Variants in FABP6 observed in about 807,000 individuals in gnomAD.
The protein encoded by FABP6 is fatty acid binding protein 6.
Under a neutral mutation model 14.9 loss-of-function variants are expected in FABP6, and 13 were observed. The ratio of observed to expected loss-of-function variants is 0.87; its 90% CI spans 0.57 to 1.39. FABP6 has a LOEUF of 1.39. Among genes scored for constraint, FABP6 ranks in the 40% most tolerant of loss-of-function variants. FABP6 has a pLI of 0.00. For synonymous variants in FABP6, 75 were observed against 63.6 expected (o/e 1.18, Z -0.85); for missense variants, 161 against 167.2 (o/e 0.96, Z 0.20).
exon 3 of FABP6, chr5:160,213,771 G>A (rs370605886): frequency 2.4e-5 from 38 of 1,613,792 alleles, no homozygotes; most frequent in Non-Finnish European, 3.1e-5. Context: ...GCACATGGGT[G>A]AGCCGGAAAG....
upstream of FABP6, among the ~76,000 whole-genome samples, chr5:160,226,671 T>C (rs759936711): frequency 4.6e-5 from 7 of 152,172 alleles, no homozygotes; most frequent in Non-Finnish European, 1.0e-4. Flanking sequence ...ACATACTTCA[T>C]AGAGCTGTTC....
At chr5:160,213,751 T>C (rs775705597) in exon 3 of FABP6, 3 of 1,613,898 alleles carry the variant, frequency 1.9e-6, no homozygotes, top group South Asian at 1.1e-5. Context: ...GAGAGCTGTG[T>C]TGTCTGCGTG....
At chr5:160,196,250 T>A (rs978977654) in intron 1 of FABP6, among the ~76,000 whole-genome samples, 1 of 152,226 alleles carries the variant, frequency 6.6e-6, no homozygotes, top group African/African-American at 2.4e-5. Flanking sequence ...ACATCCCCTA[T>A]CCAACCCCTT....
At chr5:160,231,281 G>C (rs190503320) in intron 1 of FABP6, among the ~76,000 whole-genome samples, 207 of 152,300 alleles carry the variant, frequency 1.4e-3, no homozygotes, top group African/African-American at 4.8e-3. Flanking sequence ...AGCCCACTTT[G>C]GTTCTAGACC....
At chr5:160,213,933 C>A in intron 3 of FABP6, 1 of 850,664 alleles carries the variant, frequency 1.2e-6, no homozygotes, top group African/African-American at 1.7e-5. Flanking sequence ...GATCCTTCTG[C>A]ATTGTTAGAA....
chr5:160,225,248 C>G (rs1760219585), upstream of FABP6, among the ~76,000 whole-genome samples: 1 of 143,704 alleles, frequency 7.0e-6, no homozygotes, highest in African/African-American at 2.6e-5. Flanking sequence ...AGGTGCCCAC[C>G]ACCACACCTG....
intron 3 of FABP6, among the ~76,000 whole-genome samples, chr5:160,220,317 T>A (rs1370772366): frequency 2.6e-5 from 4 of 152,152 alleles, no homozygotes; most frequent in Non-Finnish European, 5.9e-5. Flanking sequence ...TTTCCCCATA[T>A]AATAATGAAT....
At chr5:160,234,587 G>A (rs551625406) in intron 2 of FABP6, among the ~76,000 whole-genome samples, 17 of 151,830 alleles carry the variant, frequency 1.1e-4, no homozygotes, top group South Asian at 6.3e-4. Flanking sequence ...CCACCACACC[G>A]GGCTACTTTT....
At chr5:160,209,209 A>C (rs1272985564) in intron 2 of FABP6, among the ~76,000 whole-genome samples, 1 of 152,094 alleles carries the variant, frequency 6.6e-6, no homozygotes. Context: ...GCAACAGAGC[A>C]AGACCCTTTC....
At position 160,214,293 on chromosome 5, in the gene FABP6, A is replaced by G. The variant is rs139034958; in HGVS notation, c.135+474A>G. On this transcript the variant is annotated intron_variant, in intron 3 of 6. Transcript: ENST00000393980. ...ATCCTCCAGCCTCAGCCTCCCTATT[A>G]GCTGGGATTACAGGCACGTGCCACC... Among the ~76,000 whole-genome samples the G allele has an allele frequency of 3.2e-3, 488 of 151,792 alleles. 4 individuals carry two copies. The highest frequency in any genetic ancestry group is 0.011 in the African/African-American group (470 of 41,400).
At chr5:160,230,827 C>T (rs1299906250) in intron 1 of FABP6, among the ~76,000 whole-genome samples, 1 of 152,204 alleles carries the variant, frequency 6.6e-6, no homozygotes, top group Non-Finnish European at 1.5e-5. Context: ...AAAGGGTTAG[C>T]ATGGAGACCA....
At chr5:160,213,641 A>G (rs1432968670) in intron 2 of FABP6, 5 of 1,007,254 alleles carry the variant, frequency 5.0e-6, no homozygotes, top group East Asian at 2.4e-5. Context: ...GAGCGCTGCT[A>G]TGAGGAGCTC....
chr5:160,197,782 A>AGAGAGT (rs1759539735), intron 1 of FABP6: 1 of 151,888 alleles, frequency 6.6e-6, no homozygotes, highest in Admixed American at 6.6e-5. Context: ...GCAGGAAGCG[A>AGAGAGT]GAGGCAGTGG....
intron 3 of FABP6, among the ~76,000 whole-genome samples, chr5:160,221,631 T>G (rs1033021343): frequency 2.0e-5 from 3 of 152,204 alleles, no homozygotes; most frequent in African/African-American, 7.2e-5. Flanking sequence ...TTGTTTCTCA[T>G]GCCTAGAGCA....
intron 1 of FABP6, among the ~76,000 whole-genome samples, chr5:160,188,307 G>T (rs921744915): frequency 6.6e-6 from 1 of 152,158 alleles, no homozygotes; most frequent in East Asian, 1.9e-4. Context: ...CTGCTTCAGA[G>T]CTCTAGGAAG....
intron 3 of FABP6, among the ~76,000 whole-genome samples, chr5:160,235,737 G>A (rs1760495687): frequency 6.6e-6 from 1 of 152,160 alleles, no homozygotes; most frequent in African/African-American, 2.4e-5. Context: ...GGGAGGCAGT[G>A]TTTGTGTGAC....
upstream of FABP6, chr5:160,228,702 C>T: frequency 2.7e-6 from 1 of 366,628 alleles, no homozygotes; most frequent in Admixed American, 3.5e-5. Flanking sequence ...GGTGCGCTGC[C>T]TAGGCCCATG....
intron 2 of FABP6, among the ~76,000 whole-genome samples, chr5:160,199,478 T>G (rs1759584953): frequency 6.6e-6 from 1 of 152,046 alleles, no homozygotes; most frequent in Admixed American, 6.6e-5. Context: ...CACCCCCTCC[T>G]GCGCCACCCC....
intron 1 of FABP6, among the ~76,000 whole-genome samples, chr5:160,188,608 G>A (rs1160317429): frequency 2.0e-5 from 3 of 152,208 alleles, no homozygotes; most frequent in Non-Finnish European, 2.9e-5. Flanking sequence ...GAGACCCCAG[G>A]CCCGGAGGTG....
Sources: allele counts gnomAD v4.1 joint callset (sites outside exome capture counted in the v4.1 genomes callset), GRCh38; gene constraint gnomAD v4.1.1; transcripts MANE v1.5; gene names NCBI Gene and HGNC (gene_info 2026-07-23, HGNC 2026-07-21).